The following DOCK9 variants were observed in gnomAD, a reference collection of about 807,000 sequenced individuals.
The protein encoded by DOCK9 is dedicator of cytokinesis 9.
In DOCK9, 89 loss-of-function variants were observed where a neutral mutation model predicts 263.3. That is an observed-to-expected ratio of 0.34 (90% CI 0.28 to 0.40). DOCK9 has a LOEUF of 0.40. Among genes scored for constraint, DOCK9 ranks in the 10% least tolerant of loss-of-function variants. The probability of loss-of-function intolerance (pLI) is 1.00; values close to 1 mark genes in which losing one functional copy is unlikely to be tolerated. For missense variants in DOCK9, 2,140 were observed against 2,603.4 expected, an observed-to-expected ratio of 0.82 and a Z score of 3.87; for synonymous variants, 976 against 973.1, an observed-to-expected ratio of 1.00 and a Z score of -0.06.
At chr13:99,086,239 C>T in exon 1 of DOCK9, 1 of 1,505,430 alleles carries the variant, frequency 6.6e-7, no homozygotes, top group South Asian at 1.2e-5. Flanking sequence ...CACGGAGCCG[C>T]GCACCACCTC....
At chr13:98,905,591 A>T (rs75707960) in intron 9 of DOCK9, among the ~76,000 whole-genome samples, 10,564 of 146,900 alleles carry the variant, frequency 0.072, 447 homozygotes, top group East Asian at 0.19. Context: ...GGGCATGATT[A>T]AAAAAAAAAA....
intron 2 of DOCK9, chr13:98,949,817 C>A: frequency 2.1e-6 from 1 of 473,570 alleles, no homozygotes; most frequent in Admixed American, 2.2e-5. Context: ...GATGGGCCAC[C>A]GAGAGGTGGA....
At chr13:98,890,583 T>C (rs972535743) in intron 15 of DOCK9, among the ~76,000 whole-genome samples, 2 of 152,210 alleles carry the variant, frequency 1.3e-5, no homozygotes, top group African/African-American at 2.4e-5. Context: ...AGATCTCCTT[T>C]AGAACATTGC....
chr13:98,861,135 T>C (rs942821920), intron 32 of DOCK9, among the ~76,000 whole-genome samples: 14 of 152,256 alleles, frequency 9.2e-5, no homozygotes, highest in Non-Finnish European at 1.5e-4. Flanking sequence ...GGCTAGAGAA[T>C]ACAAGTGTGA....
chr13:99,027,099 A>C (rs1038369693), intron 1 of DOCK9, among the ~76,000 whole-genome samples: 7 of 152,090 alleles, frequency 4.6e-5, no homozygotes, highest in Non-Finnish European at 1.0e-4. Flanking sequence ...GGCTCACTGC[A>C]ACCTCTGCCT....
At chr13:98,858,875 C>T (rs879743349) in intron 33 of DOCK9, 3 of 152,134 alleles carry the variant, frequency 2.0e-5, no homozygotes, top group Non-Finnish European at 4.4e-5. Context: ...GGAGAAGAGT[C>T]AAAAGAGTCA....
At chr13:98,912,342 A>G (rs1262509343) in intron 9 of DOCK9, among the ~76,000 whole-genome samples, 1 of 152,218 alleles carries the variant, frequency 6.6e-6, no homozygotes, top group Non-Finnish European at 1.5e-5. Flanking sequence ...GGCTGCTTAT[A>G]TCAGTGTACA....
chr13:98,796,479 C>A (rs56343797), intron 52 of DOCK9, among the ~76,000 whole-genome samples: 1 of 152,152 alleles, frequency 6.6e-6, no homozygotes, highest in Admixed American at 6.5e-5. Context: ...AATGTGGATG[C>A]TGCTCTAGGC....
chr13:99,038,287 CCTTTTTTTTTTTTTTTTTTTT>C (rs1355409030), intron 1 of DOCK9, among the ~76,000 whole-genome samples: 25 of 48,836 alleles, frequency 5.1e-4, no homozygotes, highest in Non-Finnish European at 8.3e-4. Flanking sequence ...TTTATGCCCC[CCTTTTTTTTTTTTTTTTTTTT>C]TTTTTTTTTT....
At chr13:98,892,094 C>G (rs73556993) in intron 15 of DOCK9, among the ~76,000 whole-genome samples, 1 of 152,090 alleles carries the variant, frequency 6.6e-6, no homozygotes, top group Non-Finnish European at 1.5e-5. Context: ...AACATGAAAA[C>G]TCATCTTAAA....
At chr13:99,061,983 C>T (rs760027034) in intron 1 of DOCK9, among the ~76,000 whole-genome samples, 1 of 152,006 alleles carries the variant, frequency 6.6e-6, no homozygotes, top group Non-Finnish European at 1.5e-5. Context: ...GTGATCCTCC[C>T]ACCTCAACCT....
At chr13:98,905,228 G>A (rs999097187) in intron 9 of DOCK9, among the ~76,000 whole-genome samples, 10 of 152,208 alleles carry the variant, frequency 6.6e-5, no homozygotes, top group African/African-American at 2.4e-4. Flanking sequence ...GATCTTGAAG[G>A]ACAAGATGCT....
chr13:98,849,483 A>G (rs2093497310), intron 36 of DOCK9, among the ~76,000 whole-genome samples: 1 of 151,506 alleles, frequency 6.6e-6, no homozygotes, highest in Non-Finnish European at 1.5e-5. Flanking sequence ...GTAATGGGAT[A>G]CAGTCTATAT....
chr13:98,845,819 G>C (rs1195387814), intron 38 of DOCK9, 105 bp downstream of exon 38: 6 of 1,456,834 alleles, frequency 4.1e-6, no homozygotes, highest in Non-Finnish European at 5.6e-6. Flanking sequence ...CTTTGAGCTA[G>C]AAGAAAAATT....
chr13:98,903,669 A>G (rs1595156164), intron 10 of DOCK9, among the ~76,000 whole-genome samples: 1 of 152,188 alleles, frequency 6.6e-6, no homozygotes, highest in East Asian at 1.9e-4. Context: ...GATGAACTGA[A>G]AAAATACAGA....
intron 1 of DOCK9, among the ~76,000 whole-genome samples, chr13:98,975,574 C>T (rs2060192269): frequency 1.3e-5 from 2 of 151,886 alleles, no homozygotes; most frequent in African/African-American, 4.8e-5. Context: ...TAATAATGGT[C>T]ACCACTGGAG....
chr13:99,027,392 T>C (rs191225389), intron 1 of DOCK9, among the ~76,000 whole-genome samples: 2 of 152,332 alleles, frequency 1.3e-5, no homozygotes, highest in Admixed American at 6.5e-5. Context: ...TCTTTGGACC[T>C]TGTTCCAAGG....
At chr13:99,039,930 T>C (rs1888294350) in intron 1 of DOCK9, among the ~76,000 whole-genome samples, 1 of 152,214 alleles carries the variant, frequency 6.6e-6, no homozygotes, top group Non-Finnish European at 1.5e-5. Flanking sequence ...AGTTTTCTCA[T>C]CTGTCAAATG....
intron 9 of DOCK9, among the ~76,000 whole-genome samples, chr13:98,908,328 A>G (rs1263397180): frequency 6.6e-6 from 1 of 152,214 alleles, no homozygotes; most frequent in Non-Finnish European, 1.5e-5. Context: ...CAATGTTTAA[A>G]GCATTAAAAA....
Sources: gnomAD v4.1 joint callset for allele counts (sites outside exome capture counted in the v4.1 genomes callset) on GRCh38, gnomAD v4.1.1 for gene constraint, MANE v1.5 for transcripts, NCBI Gene and HGNC (gene_info 2026-07-23, HGNC 2026-07-21) for gene names.